FBXW5: variants seen among roughly 807,000 people sequenced by gnomAD.
FBXW5 encodes the protein F-box/WD repeat-containing protein 5.
A neutral mutation model predicts 50.9 loss-of-function variants in FBXW5; 74 were observed. The ratio of observed to expected loss-of-function variants is 1.45; its 90% CI spans 1.20 to 1.76. The LOEUF is 1.76. FBXW5 is among the 40% of genes most tolerant of loss of function. The probability of loss-of-function intolerance (pLI) is 0.00; values close to 1 mark genes in which losing one functional copy is unlikely to be tolerated. For synonymous variants in FBXW5, 523 were observed against 362.2 expected, an observed-to-expected ratio of 1.44 and a Z score of -5.04; for missense variants, 1,073 against 818.8, an observed-to-expected ratio of 1.31 and a Z score of -3.79.
rs775003620 is a variant in FBXW5 at position 136,942,473 on chromosome 9, G to A, written c.676-7C>T. The A allele has an allele frequency of 6.3e-7, 1 of 1,599,524 alleles. No individual in the cohort carries two copies. Among genetic ancestry groups the A allele is most frequent in the Non-Finnish European group, 8.5e-7 (1 of 1,169,968 alleles). ...CGTTCTCTGACTCCACATCCTGGGGGCGGGGGCACGTGCCAGGTGGGCGCC... is the reference window on the plus strand; with the variant it reads ...CGTTCTCTGACTCCACATCCTGGGGACGGGGGCACGTGCCAGGTGGGCGCC... On this transcript the variant is annotated splice_polypyrimidine_tract_variant and splice_region_variant and intron_variant, in intron 5 of 8. Coordinates refer to ENST00000325285, the MANE Select transcript of FBXW5 (RefSeq NM_018998.4).
Position 136,941,269 on chromosome 9 carries a change from C to T in FBXW5, c.1439G>A (p.Ser480Asn), listed in dbSNP as rs752620281. Residue 480 changes from serine to asparagine, a missense_variant, in exon 8 of 9, where the codon AGC (serine) becomes AAC (asparagine). Coordinates refer to ENST00000325285, the MANE Select transcript of FBXW5 (RefSeq NM_018998.4). Reference sequence around the variant, plus strand: ...CCTGCACCTGGCCACGAAGTCCCTGCTGACGTCCAGGAAGATGAAGAAGCA... The same window carrying T: ...CCTGCACCTGGCCACGAAGTCCCTGTTGACGTCCAGGAAGATGAAGAAGCA... Reference protein sequence around the residue: ...DECFFIFLDVSRDFVASGAED... With the variant: ...DECFFIFLDVNRDFVASGAED... 1.2e-6 allele frequency: 2 copies of T among 1,606,334 alleles called. No homozygotes were observed. The highest frequency in any genetic ancestry group is 3.3e-5 in the Admixed American group (2 of 59,920).
At chr9:136,944,182 C>T in intron 1 of FBXW5, 76 bp from the exon 2 acceptor site, 2 of 1,406,160 alleles carry the variant, frequency 1.4e-6, no homozygotes, top group Non-Finnish European at 1.9e-6. Context: ...TTCCTCCAGC[C>T]CCAACCGTCC....
At position 136,941,019 on chromosome 9, in the gene FBXW5, G is replaced by C; in HGVS notation, c.1610C>G (p.Ala537Gly). 6.4e-7 allele frequency: 1 copy of C among 1,553,478 alleles called. No homozygotes were observed. The highest frequency in any genetic ancestry group is 1.2e-5 in the South Asian group (1 of 84,542). Residue 537 changes from alanine to glycine, a missense_variant, in exon 9 of 9, where the codon GCC becomes GGC. By Grantham distance (60) the Ala-to-Gly change is moderately conservative. Coordinates refer to ENST00000325285, the MANE Select transcript of FBXW5 (RefSeq NM_018998.4). ...LTASDDATIK[A>G]WRSPRTMRVL... ...GCGCATGGTGCGTGGGGAGCGCCAG[G>C]CTTTGATGGTGGCGTCGTCGCTGGC... is the stretch of plus-strand genomic sequence containing the variant.
chr9:136,941,436 C>T lies in FBXW5; in HGVS notation c.1272G>A (p.Trp424Ter). The T allele has an allele frequency of 6.2e-7, 1 of 1,608,626 alleles. No individual in the cohort carries two copies. The highest frequency in any genetic ancestry group is 8.5e-7 in the Non-Finnish European group (1 of 1,179,860). The change falls in exon 8 of 9, where the codon TGG becomes TGA. Residue 424 changes from tryptophan (W) to a stop codon, truncating the protein, a stop_gained. Transcript: ENST00000325285. LOFTEE classifies it high-confidence loss of function. The part of the protein sequence containing the change: ...NRYLYVNSRA[W>*]PNGAVVADPM... ...GGTCGGCCACCACCGCACCGTTGGGCCAGGCGCGGCTGTTCACGTACAGGT... is the reference window on the plus strand; with the variant it reads ...GGTCGGCCACCACCGCACCGTTGGGTCAGGCGCGGCTGTTCACGTACAGGT...
intron 5 of FBXW5, 26 bp from the exon 6 acceptor site, chr9:136,942,492 G>A: frequency 1.9e-6 from 3 of 1,597,524 alleles, no homozygotes; most frequent in African/African-American, 1.3e-5. Context: ...CGTGCCAGGT[G>A]GGCGCCGGGC....
In FBXW5 at chr9:136,944,618, C is replaced by T. The variant is rs1850964131; in HGVS notation, c.-48G>A. On this transcript the variant is annotated 5_prime_UTR_variant, in exon 1 of 9. Transcript: ENST00000325285. ...CCACGGCCGCCTCCGCCCGCTGCGC[C>T]GCCCCCGCCCTGCGCGACCCGGACC... The T allele has an allele frequency of 1.4e-5, 14 of 984,180 alleles. No individual in the cohort carries two copies. Among genetic ancestry groups the T allele is most frequent in the Non-Finnish European group, 1.7e-5 (14 of 829,056 alleles). 61.0% of individuals were successfully genotyped at this position (984,180 alleles called of 1,614,324 possible). A position where few individuals can be genotyped will look rare whatever the true frequency, so the allele number is the denominator to read the frequency against.
At chr9:136,943,755 G>A (rs1027873792) in intron 2 of FBXW5, 136 bp downstream of exon 2, 12 of 1,089,802 alleles carry the variant, frequency 1.1e-5, no homozygotes, top group Non-Finnish European at 1.4e-5. Context: ...GTCCTGACAG[G>A]CCTCTATCAG....
intron 4 of FBXW5, 27 bp from the exon 5 acceptor site, chr9:136,942,722 CT>C (rs1258778216): frequency 6.2e-7 from 1 of 1,611,126 alleles, no homozygotes; most frequent in Admixed American, 1.7e-5. Flanking sequence ...GCTGGACAGG[CT>C]GTCGGCGTGG....
chr9:136,944,237 G>T, intron 1 of FBXW5, 131 bp from the exon 2 acceptor site: 4 of 1,092,696 alleles, frequency 3.7e-6, no homozygotes, highest in Non-Finnish European at 3.7e-6. Flanking sequence ...GGACGCCCGG[G>T]TACCGCCGCC....
chr9:136,940,780 T>G lies in FBXW5; in HGVS notation c.*148A>C. ...AAGCATCACAGCTGCGTGAGCAGGT[T>G]TGTGTGTGAGCGTGTGGCGGGGCCT... On this transcript the variant is annotated 3_prime_UTR_variant, in exon 9 of 9. Transcript: ENST00000325285. The G allele has an allele frequency of 4.0e-6, 5 of 1,238,602 alleles. No individual in the cohort carries two copies. The highest frequency in any genetic ancestry group is 2.6e-5 in the East Asian group (1 of 38,994). 76.7% of individuals were successfully genotyped at this position (1,238,602 alleles called of 1,614,324 possible). A position where few individuals can be genotyped will look rare whatever the true frequency, so the allele number is the denominator to read the frequency against.
rs755074288 is a variant in FBXW5 at position 136,944,054 on chromosome 9, G to T, written c.30C>A (p.Pro10=). Residue 10 remains proline (P), a synonymous_variant, in exon 2 of 9, where the codon CCC becomes CCA. Coordinates refer to ENST00000325285, the MANE Select transcript of FBXW5 (RefSeq NM_018998.4). ...GGAAGATCTGGTAGACCAGGCTGTC[G>T]GGGAGCAGGGGCGTGCCGCCCTCGT... The part of the protein sequence containing the change: MDEGGTPLL[P]DSLVYQIFLS... 6.2e-7 allele frequency: 1 copy of T among 1,602,506 alleles called. No homozygotes were observed. Among genetic ancestry groups the T allele is most frequent in the Non-Finnish European group, 8.5e-7 (1 of 1,175,258 alleles).
chr9:136,941,120 A>G lies in FBXW5; in HGVS notation c.1509T>C (p.Cys503=). ...CATCCTCGTGCCGCAGCCTGGCCAGACAGATGTTGTAGTGGCGGTCCCAGA... is the reference window on the plus strand; with the variant it reads ...CATCCTCGTGCCGCAGCCTGGCCAGGCAGATGTTGTAGTGGCGGTCCCAGA... The part of the protein sequence containing the change: ...GYIWDRHYNI[C]LARLRHEDVV... Residue 503 remains cysteine, a synonymous_variant, in exon 9 of 9, where the codon TGT becomes TGC. Transcript: ENST00000325285. The G allele has an allele frequency of 1.3e-6, 2 of 1,599,474 alleles. No individual in the cohort carries two copies. The highest frequency in any genetic ancestry group is 1.7e-6 in the Non-Finnish European group (2 of 1,173,506).
Position 136,941,611 on chromosome 9 carries a change from G to T in FBXW5, c.1170C>A (p.Ala390=). 1.3e-6 allele frequency: 2 copies of T among 1,594,002 alleles called. No individual in the cohort carries two copies. The highest frequency in any genetic ancestry group is 1.7e-6 in the Non-Finnish European group (2 of 1,171,014). The change falls in exon 7 of 9, where the codon GCC becomes GCA. Residue 390 remains alanine (A), a synonymous_variant. Transcript: ENST00000325285. The part of the protein sequence containing the change: ...PVLGEGRGSD[A]FFDALDHVID... ...TGACGTGGTCCAGCGCGTCGAAGAA[G>T]GCATCGGAGCCCCGGCCCTCACCCA...
chr9:136,941,156 C>T lies in FBXW5; in HGVS notation c.1473G>A (p.Arg491=). 6.3e-7 allele frequency: 1 copy of T among 1,598,368 alleles called. No homozygotes were observed. The highest frequency in any genetic ancestry group is 8.5e-7 in the Non-Finnish European group (1 of 1,172,892). Reference sequence around the variant, plus strand: ...AGTGGCGGTCCCAGATGTAGCCGTGCCGGTCCTCCGCCCCGCTGCAGAACA... The same window carrying T: ...AGTGGCGGTCCCAGATGTAGCCGTGTCGGTCCTCCGCCCCGCTGCAGAACA... ...RDFVASGAED[R]HGYIWDRHYN... Residue 491 remains arginine (R), a synonymous_variant, in exon 9 of 9, where the codon CGG becomes CGA. Coordinates refer to ENST00000325285, the MANE Select transcript of FBXW5 (RefSeq NM_018998.4).
rs537752014 is a variant in FBXW5 at position 136,941,431 on chromosome 9, T to C, written c.1277A>G (p.Asn426Ser). Residue 426 changes from asparagine to serine, a missense_variant, in exon 8 of 9, where the codon AAC becomes AGC. Transcript: ENST00000325285. ...CATGGGGTCGGCCACCACCGCACCG[T>C]TGGGCCAGGCGCGGCTGTTCACGTA... is the stretch of plus-strand genomic sequence containing the variant. ...YLYVNSRAWPNGAVVADPMQP... is the reference protein window; with the variant it reads ...YLYVNSRAWPSGAVVADPMQP... The C allele has an allele frequency of 8.7e-6, 14 of 1,609,268 alleles. No homozygotes were observed. The South Asian group carries it at 9.9e-5, about 11-fold the overall frequency.
rs1054404866 is a variant in FBXW5, at chr9:136,943,780, A to G, written c.193+111T>C. The G allele has an allele frequency of 5.4e-5, 67 of 1,251,768 alleles. 1 individual carries two copies. The highest frequency in any genetic ancestry group is 4.3e-4 in the Admixed American group (18 of 42,288). The allele number at this position is 1,251,768 out of a possible 1,614,324, so 77.5% of individuals were successfully genotyped here. On this transcript the variant is annotated intron_variant, in intron 2 of 8. Coordinates refer to ENST00000325285, the MANE Select transcript of FBXW5 (RefSeq NM_018998.4). ...GCCTCTATCAGGGTGTGGGGGGGTG[A>G]GCATGGACACGCGGGGCCGCGGGGC...
At chr9:136,943,013 C>T (rs1850857549) in intron 3 of FBXW5, 70 bp from the exon 4 acceptor site, 4 of 1,601,758 alleles carry the variant, frequency 2.5e-6, no homozygotes, top group African/African-American at 1.3e-5. Flanking sequence ...ACTACACAGC[C>T]ATGAGGCCCC....
chr9:136,940,800 G>A lies in FBXW5; in HGVS notation c.*128C>T. The A allele has an allele frequency of 1.5e-6, 2 of 1,357,852 alleles. No individual in the cohort carries two copies. The highest frequency in any genetic ancestry group is 2.0e-6 in the Non-Finnish European group (2 of 1,016,554). The allele number at this position is 1,357,852 out of a possible 1,614,324, so 84.1% of individuals were successfully genotyped here. ...CAGGTTTGTGTGTGAGCGTGTGGCGGGGCCTGGTTGTCCCCTTCCTAAGGC... is the reference window on the plus strand; with the variant it reads ...CAGGTTTGTGTGTGAGCGTGTGGCGAGGCCTGGTTGTCCCCTTCCTAAGGC... On this transcript the variant is annotated 3_prime_UTR_variant, in exon 9 of 9. Transcript: ENST00000325285.
chr9:136,944,725 C>CATCGATGGCCGAGGA lies in FBXW5; in HGVS notation c.-156_-155insTCCTCGGCCATCGAT. The CATCGATGGCCGAGGA allele has an allele frequency of 1.0e-6, 1 of 985,608 alleles. No individual in the cohort carries two copies. Among genetic ancestry groups the CATCGATGGCCGAGGA allele is most frequent in the Non-Finnish European group, 1.2e-6 (1 of 829,894 alleles). 61.1% of individuals were successfully genotyped at this position (985,608 alleles called of 1,614,324 possible). A position where few individuals can be genotyped will look rare whatever the true frequency, so the allele number is the denominator to read the frequency against. On this transcript the variant is annotated 5_prime_UTR_variant, in exon 1 of 9. In the 5' UTR this introduces an upstream ATG that the reference lacks. Transcript: ENST00000325285. The stretch of plus-strand genomic sequence containing the variant: ...AGGCCCGACGCCACGAGCCCCGAGG[C>CATCGATGGCCGAGGA]ATCGATGGCCGAGGAAGGCAGAGCG...
Sources: gnomAD v4.1 joint callset for allele counts on GRCh38, gnomAD v4.1.1 for gene constraint, MANE v1.5 for transcripts, NCBI Gene and HGNC (gene_info 2026-07-23, HGNC 2026-07-21) for gene names.